DR1: variants seen among roughly 807,000 people sequenced by gnomAD.
DR1 encodes the protein down-regulator of transcription 1, also known as protein Dr1.
DR1 carries 7 observed loss-of-function variants against 19.9 expected under a neutral mutation model. The ratio of observed to expected loss-of-function variants is 0.35; its 90% CI spans 0.20 to 0.66. DR1 has a LOEUF of 0.66. Ranked by LOEUF, DR1 falls within the 30% of genes least tolerant of loss-of-function variation. The pLI is 0.66. For missense variants in DR1, 98 were observed against 203.7 expected (o/e 0.48, Z 3.16); for synonymous variants, 76 against 72.5 (o/e 1.05, Z -0.24).
chr1:93,349,961 T>C (rs188659907), intron 1 of DR1, among the ~76,000 whole-genome samples: 10 of 152,274 alleles, frequency 6.6e-5, no homozygotes, highest in Admixed American at 1.3e-4. Context: ...TTTGAGAACC[T>C]TTGCTCTAAA....
Position 93,353,939 on chromosome 1 carries a change from C to T in DR1, c.252C>T (p.Ile84=). 8 of 1,610,600 alleles carry T rather than the reference C, an allele frequency of 5.0e-6. No individual in the cohort carries two copies. Among genetic ancestry groups the T allele is most frequent in the Non-Finnish European group, 6.8e-6 (8 of 1,178,466 alleles). Residue 84 remains isoleucine, a synonymous_variant, in exon 2 of 3, where the codon ATC becomes ATT. Coordinates refer to ENST00000370272, the MANE Select transcript of DR1 (RefSeq NM_001938.3). ...AAAGTTTGGGATTTGGCTCTTACAT[C>T]AGTGAAGTAAAAGAAGTCTTGCAAG... The part of the protein sequence containing the change: ...ALESLGFGSY[I]SEVKEVLQEC...
At chr1:93,355,938 A>G (rs1666975218) in intron 2 of DR1, among the ~76,000 whole-genome samples, 2 of 152,248 alleles carry the variant, frequency 1.3e-5, no homozygotes. Flanking sequence ...GCTAGCAGCA[A>G]ATATTTGGAA....
chr1:93,346,339 A>C lies in DR1; in HGVS notation c.-307A>C. 1 of 397,982 alleles carries C rather than the reference A, an allele frequency of 2.5e-6. No homozygotes were observed. Among genetic ancestry groups the C allele is most frequent in the South Asian group, 2.3e-5 (1 of 42,984 alleles). The allele number at this position is 397,982 out of a possible 1,614,324, so 24.7% of individuals were successfully genotyped here. Reference sequence around the variant, plus strand: ...CGACAGCGCCCGCCCCTCTGAGGAGACACGAAGGTGGTTCCCCAGCCGCTC... The same window carrying C: ...CGACAGCGCCCGCCCCTCTGAGGAGCCACGAAGGTGGTTCCCCAGCCGCTC... On this transcript the variant is annotated 5_prime_UTR_variant, in exon 1 of 3. Transcript: ENST00000370272.
intron 2 of DR1, among the ~76,000 whole-genome samples, chr1:93,357,618 G>A (rs1421991990): frequency 6.6e-6 from 1 of 152,016 alleles, no homozygotes; most frequent in East Asian, 1.9e-4. Flanking sequence ...TACCACAGAG[G>A]CATTTAATCA....
chr1:93,346,544 G>A lies in DR1; in HGVS notation c.-102G>A. ...GCACCCTCTTCGCAAAGCACCCCCC[G>A]GGATCACTCTCCGAGGGCGACTTTT... is the stretch of plus-strand genomic sequence containing the variant. On this transcript the variant is annotated 5_prime_UTR_variant, in exon 1 of 3. Transcript: ENST00000370272. 1.1e-6 allele frequency: 1 copy of A among 922,600 alleles called. No individual in the cohort carries two copies. Among genetic ancestry groups the A allele is most frequent in the Non-Finnish European group, 1.7e-6 (1 of 593,340 alleles). 57.2% of individuals were successfully genotyped at this position (922,600 alleles called of 1,614,324 possible).
chr1:93,348,284 C>T (rs1666876365), intron 1 of DR1, among the ~76,000 whole-genome samples: 1 of 151,598 alleles, frequency 6.6e-6, no homozygotes, highest in South Asian at 2.1e-4. Context: ...TATTTTTTCC[C>T]TTGTGTATTT....
chr1:93,346,813 G>C lies in DR1; in HGVS notation c.168G>C (p.Glu56Asp). 6.2e-7 allele frequency: 1 copy of C among 1,613,944 alleles called. No individual in the cohort carries two copies. Among genetic ancestry groups the C allele is most frequent in the Non-Finnish European group, 8.5e-7 (1 of 1,179,958 alleles). ...FIHLISSEAN[E>D]ICNKSEKKTI... Reference sequence around the variant, plus strand: ...ACCTTATATCTTCTGAAGCCAATGAGATTTGTAACAAATCGGAAAAGAAGA... The same window carrying C: ...ACCTTATATCTTCTGAAGCCAATGACATTTGTAACAAATCGGAAAAGAAGA... The change falls in exon 1 of 3, where the codon GAG (glutamate) becomes GAC (aspartate). Residue 56 changes from glutamate to aspartate, a missense_variant. Glu to Asp is a conservative substitution (Grantham distance 45). Transcript: ENST00000370272.
In DR1 at chr1:93,361,985, T is replaced by C. The variant is rs1451376208; in HGVS notation, c.*1346T>C. ...AAAAGTCACTTAAGATAGTATTAAG[T>C]AATTAAATTCCTATGTCAGTTGCCA... On this transcript the variant is annotated 3_prime_UTR_variant, in exon 3 of 3. Coordinates refer to ENST00000370272, the MANE Select transcript of DR1 (RefSeq NM_001938.3). 5 of 152,524 alleles carry C rather than the reference T, an allele frequency of 3.3e-5. No individual in the cohort carries two copies. Among genetic ancestry groups the C allele is most frequent in the Non-Finnish European group, 7.4e-5 (5 of 67,916 alleles). 9.4% of individuals were successfully genotyped at this position (152,524 alleles called of 1,614,324 possible).
At chr1:93,348,540 CTT>C (rs1431214078) in intron 1 of DR1, among the ~76,000 whole-genome samples, 1 of 151,944 alleles carries the variant, frequency 6.6e-6, no homozygotes, top group Admixed American at 6.6e-5. Flanking sequence ...AGAGTTGATT[CTT>C]TTCTAGGATA....
chr1:93,348,459 AT>A (rs1168746323), intron 1 of DR1, among the ~76,000 whole-genome samples: 1 of 152,136 alleles, frequency 6.6e-6, no homozygotes, highest in Admixed American at 6.5e-5. Flanking sequence ...CTGCCTAAAC[AT>A]TTGTTTACAC....
intron 2 of DR1, among the ~76,000 whole-genome samples, chr1:93,355,979 G>C (rs891641212): frequency 5.3e-5 from 8 of 152,080 alleles, no homozygotes; most frequent in Non-Finnish European, 1.2e-4. Flanking sequence ...CAAGATTAAA[G>C]TTAACTTTAA....
chr1:93,353,046 C>T (rs1202506109), intron 1 of DR1, among the ~76,000 whole-genome samples: 1 of 152,016 alleles, frequency 6.6e-6, no homozygotes, highest in Non-Finnish European at 1.5e-5. Context: ...AGGCACGACC[C>T]ATCACACTCG....
chr1:93,360,021 G>A (rs1218457351), intron 2 of DR1, among the ~76,000 whole-genome samples: 1 of 152,084 alleles, frequency 6.6e-6, no homozygotes, highest in East Asian at 1.9e-4. Context: ...TTCCTATGAG[G>A]TAGAGGTACT....
chr1:93,361,050 G>C lies in DR1; in HGVS notation c.*411G>C, dbSNP rs1421791430. The C allele has an allele frequency of 6.2e-6, 1 of 161,904 alleles. No individual in the cohort carries two copies. The highest frequency in any genetic ancestry group is 2.4e-5 in the African/African-American group (1 of 41,162). 10.0% of individuals were successfully genotyped at this position (161,904 alleles called of 1,614,324 possible). On this transcript the variant is annotated 3_prime_UTR_variant, in exon 3 of 3. Coordinates refer to ENST00000370272, the MANE Select transcript of DR1 (RefSeq NM_001938.3). The stretch of plus-strand genomic sequence containing the variant: ...GTGAATTTTAAATTATTAAGGGGGG[G>C]GTGCTGTGTGAATCAGTAGACATTG...
intron 2 of DR1, among the ~76,000 whole-genome samples, chr1:93,359,628 A>G (rs1289403093): frequency 6.6e-6 from 1 of 152,218 alleles, no homozygotes; most frequent in Non-Finnish European, 1.5e-5. Flanking sequence ...GGCAGAGTCT[A>G]ATGGGAAATT....
At position 93,346,510 on chromosome 1, in the gene DR1, T is replaced by A; in HGVS notation, c.-136T>A. ...GCCCTCAAGCCAGCTGCTCCTCCGT[T>A]CATTTTCTGCACCCTCTTCGCAAAG... On this transcript the variant is annotated 5_prime_UTR_variant, in exon 1 of 3. Transcript: ENST00000370272. The A allele has an allele frequency of 3.0e-6, 2 of 662,344 alleles. No individual in the cohort carries two copies. Among genetic ancestry groups the A allele is most frequent in the South Asian group, 3.7e-5 (2 of 53,692 alleles). The allele number at this position is 662,344 out of a possible 1,614,324, so 41.0% of individuals were successfully genotyped here. A position where few individuals can be genotyped will look rare whatever the true frequency, so the allele number is the denominator to read the frequency against.
rs1379181158 is a variant in DR1 at position 93,360,669 on chromosome 1, A to G, written c.*30A>G. On this transcript the variant is annotated 3_prime_UTR_variant, in exon 3 of 3. Transcript: ENST00000370272. ...CACCAGCTGAGTTTCTATTTCTTCT[A>G]TAAATGTTTTTCCCTGCACAACAAA... The G allele has an allele frequency of 1.9e-6, 3 of 1,577,272 alleles. No individual in the cohort carries two copies. The highest frequency in any genetic ancestry group is 2.3e-5 in the East Asian group (1 of 43,170).
intron 2 of DR1, among the ~76,000 whole-genome samples, chr1:93,360,106 G>T (rs1367647905): frequency 6.6e-6 from 1 of 151,966 alleles, no homozygotes; most frequent in Non-Finnish European, 1.5e-5. Context: ...TAATATGAGG[G>T]TACAGAAGAG....
rs1271254550 is a variant in DR1 at position 93,360,701 on chromosome 1, G to A, written c.*62G>A. 6.5e-7 allele frequency: 1 copy of A among 1,534,182 alleles called. No homozygotes were observed. The highest frequency in any genetic ancestry group is 2.4e-5 in the East Asian group (1 of 42,170). ...TTTTTCCCTGCACAACAAAAACAGT[G>A]AAAGAAATGCTTATCTGTAATTTTG... On this transcript the variant is annotated 3_prime_UTR_variant, in exon 3 of 3. Coordinates refer to ENST00000370272, the MANE Select transcript of DR1 (RefSeq NM_001938.3).
Sources: allele counts gnomAD v4.1 joint callset (sites outside exome capture counted in the v4.1 genomes callset), GRCh38; gene constraint gnomAD v4.1.1; transcripts MANE v1.5; gene names NCBI Gene and HGNC (gene_info 2026-07-23, HGNC 2026-07-21).